Variants in FAM227B observed in about 807,000 individuals in gnomAD.
The protein encoded by FAM227B is protein FAM227B.
FAM227B carries 88 observed loss-of-function variants against 73.8 expected under a neutral mutation model. The observed-to-expected ratio is 1.19, with a 90% confidence interval of 1.00 to 1.42. The LOEUF is 1.42. Ranked by LOEUF, FAM227B falls within the 40% of genes most tolerant of loss-of-function variation. FAM227B has a pLI of 0.00. For missense variants in FAM227B, 632 were observed against 590.9 expected, an observed-to-expected ratio of 1.07 and a Z score of -0.72; for synonymous variants, 210 against 190.5, an observed-to-expected ratio of 1.10 and a Z score of -0.84.
chr15:49,560,690 C>A (rs2074179314), intron 9 of FAM227B, among the ~76,000 whole-genome samples: 1 of 152,104 alleles, frequency 6.6e-6, no homozygotes, highest in South Asian at 2.1e-4. Context: ...TCAGCAGAAA[C>A]CTTTCAAACC....
At chr15:49,374,850 G>T (rs1186170088) in intron 11 of FAM227B, among the ~76,000 whole-genome samples, 1 of 152,132 alleles carries the variant, frequency 6.6e-6, no homozygotes, top group Non-Finnish European at 1.5e-5. Flanking sequence ...GGCCTCATGA[G>T]TATATTCTTA....
At chr15:49,430,744 C>G (rs763609676) in intron 11 of FAM227B, among the ~76,000 whole-genome samples, 9 of 151,738 alleles carry the variant, frequency 5.9e-5, no homozygotes, top group Non-Finnish European at 1.0e-4. Flanking sequence ...CTCTTCATAA[C>G]TCACTTCTGA....
intron 11 of FAM227B, among the ~76,000 whole-genome samples, chr15:49,444,969 T>C (rs1167422581): frequency 6.6e-6 from 1 of 151,604 alleles, no homozygotes; most frequent in African/African-American, 2.4e-5. Context: ...AATATTCATG[T>C]ATTCATATTC....
At chr15:49,445,939 G>T (rs1472624878) in intron 11 of FAM227B, among the ~76,000 whole-genome samples, 1 of 151,400 alleles carries the variant, frequency 6.6e-6, no homozygotes, top group Non-Finnish European at 1.5e-5. Flanking sequence ...TGTTAAAAAT[G>T]CCCAAGTATC....
chr15:49,616,317 AC>A (rs2078285250), intron 1 of FAM227B, among the ~76,000 whole-genome samples: 2 of 152,238 alleles, frequency 1.3e-5, no homozygotes, highest in South Asian at 4.1e-4. Context: ...CTCTCCATAT[AC>A]ACACAGATAT....
chr15:49,424,220 C>A, intron 11 of FAM227B: 1 of 1,296,090 alleles, frequency 7.7e-7, no homozygotes, highest in South Asian at 1.4e-5. Flanking sequence ...AGGAAGAGGT[C>A]AATGACCTAG....
At chr15:49,403,511 A>C (rs2048314108) in intron 11 of FAM227B, among the ~76,000 whole-genome samples, 1 of 152,108 alleles carries the variant, frequency 6.6e-6, no homozygotes, top group Non-Finnish European at 1.5e-5. Flanking sequence ...GTGTCCAGGA[A>C]TTTATCCATT....
Position 49,615,141 on chromosome 15 carries a change from TC to T in FAM227B, c.30del (p.Ser11AlafsTer20), listed in dbSNP as rs1271010537. The T allele has an allele frequency of 1.2e-6, 2 of 1,614,088 alleles. No homozygotes were observed. The highest frequency in any genetic ancestry group is 1.7e-6 in the Non-Finnish European group (2 of 1,179,940). The stretch of plus-strand genomic sequence containing the variant: ...CTTACCCCGGGGCCAGCTCTGCTGC[TC>T]CTCCTTTGACATGTTCGTTGGCCTG... MAGQRTCQR[R>X]SSRAGPGKMQ... On this transcript the variant is annotated frameshift_variant, in exon 2 of 16. Coordinates refer to ENST00000299338, the MANE Select transcript of FAM227B (RefSeq NM_152647.3). LOFTEE classifies it high-confidence loss of function.
chr15:49,373,325 T>A (rs1453266821), intron 11 of FAM227B, among the ~76,000 whole-genome samples: 1 of 151,960 alleles, frequency 6.6e-6, no homozygotes, highest in African/African-American at 2.4e-5. Context: ...AGAAAAACAG[T>A]CAAATAAAAA....
chr15:49,339,787 T>C lies in FAM227B; in HGVS notation c.1272-4291A>G, dbSNP rs184769561. Among the ~76,000 whole-genome samples, 384 of 152,322 alleles carry C rather than the reference T, an allele frequency of 2.5e-3. 3 individuals carry two copies. Among genetic ancestry groups the C allele is most frequent in the African/African-American group, 8.7e-3 (360 of 41,578 alleles). On this transcript the variant is annotated intron_variant, in intron 13 of 15. Coordinates refer to ENST00000299338, the MANE Select transcript of FAM227B (RefSeq NM_152647.3). ...GGGGGTTTTATCTATAAGTCCCTGATTGGGGCTGGTGCCTTTTTTTCAGAG... is the reference window on the plus strand; with the variant it reads ...GGGGGTTTTATCTATAAGTCCCTGACTGGGGCTGGTGCCTTTTTTTCAGAG...
At chr15:49,354,888 G>C (rs2042860846) in intron 13 of FAM227B, among the ~76,000 whole-genome samples, 1 of 152,094 alleles carries the variant, frequency 6.6e-6, no homozygotes, top group Non-Finnish European at 1.5e-5. Flanking sequence ...TGCAGCTGGA[G>C]ATCTGAGAAC....
chr15:49,439,909 A>G (rs1047720883), intron 11 of FAM227B, among the ~76,000 whole-genome samples: 4 of 151,792 alleles, frequency 2.6e-5, no homozygotes, highest in African/African-American at 4.8e-5. Context: ...AGATTTTGAC[A>G]TGAAGTTTGC....
chr15:49,453,415 T>C (rs935912870), intron 11 of FAM227B, among the ~76,000 whole-genome samples: 2 of 152,276 alleles, frequency 1.3e-5, no homozygotes, highest in South Asian at 4.2e-4. Context: ...AGTATAAAAA[T>C]ATTAATGAGA....
rs565807293 is a variant in FAM227B, at chr15:49,615,085, T to C, written c.51+36A>G. On this transcript the variant is annotated intron_variant, in intron 2 of 15. Coordinates refer to ENST00000299338, the MANE Select transcript of FAM227B (RefSeq NM_152647.3). ...TGAAATTCCAAGAGAAATATAACCT[T>C]TGTAAGTGAACATAAAGCTGTGGAA... The C allele has an allele frequency of 4.9e-5, 78 of 1,590,076 alleles. 2 individuals are homozygous for C. The South Asian group carries it at 6.0e-4, about 12-fold the overall frequency.
At chr15:49,554,688 T>C (rs1461981762) in intron 9 of FAM227B, among the ~76,000 whole-genome samples, 1 of 152,202 alleles carries the variant, frequency 6.6e-6, no homozygotes, top group Admixed American at 6.5e-5. Context: ...TGTTGGTGAT[T>C]CCAGACTGCT....
chr15:49,576,524 T>G (rs1051498755), intron 7 of FAM227B: 1 of 432,490 alleles, frequency 2.3e-6, no homozygotes, highest in Non-Finnish European at 4.1e-6. Context: ...CAGTGTACGC[T>G]AGCAACCTCA....
At chr15:49,337,508 C>CTTTTTTTTT (rs33973907) in intron 13 of FAM227B, among the ~76,000 whole-genome samples, 4 of 36,086 alleles carry the variant, frequency 1.1e-4, no homozygotes, top group South Asian at 1.5e-3. Flanking sequence ...CATTTACCCA[C>CTTTTTTTTT]TTTTTTTTTT....
chr15:49,409,491 TTCTC>T (rs200876202), intron 11 of FAM227B, among the ~76,000 whole-genome samples: 5 of 150,510 alleles, frequency 3.3e-5, no homozygotes, highest in African/African-American at 1.2e-4. Flanking sequence ...TTACTGTTCC[TTCTC>T]TCTCTCTTTC....
At chr15:49,610,120 T>C (rs1383134637) in intron 3 of FAM227B, among the ~76,000 whole-genome samples, 2 of 152,006 alleles carry the variant, frequency 1.3e-5, no homozygotes, top group Non-Finnish European at 2.9e-5. Context: ...ACATATTTAC[T>C]ACTTCAAATA....
Sources: allele counts gnomAD v4.1 joint callset (sites outside exome capture counted in the v4.1 genomes callset), GRCh38; gene constraint gnomAD v4.1.1; transcripts MANE v1.5; gene names NCBI Gene and HGNC (gene_info 2026-07-23, HGNC 2026-07-21).